The following KLHL1 variants were observed in gnomAD, a reference collection of about 807,000 sequenced individuals.
KLHL1 encodes kelch-like protein 1.
Under a neutral mutation model 77.7 loss-of-function variants are expected in KLHL1, and 47 were observed. That is an observed-to-expected ratio of 0.60 (90% CI 0.48 to 0.77). The LOEUF (loss-of-function observed/expected upper bound fraction) is 0.77. Ranked by LOEUF, KLHL1 falls within the 30% of genes least tolerant of loss-of-function variation. The probability of loss-of-function intolerance (pLI) is 0.00; values close to 1 mark genes in which losing one functional copy is unlikely to be tolerated. For missense variants in KLHL1, 925 were observed against 910.8 expected (o/e 1.02, Z -0.20); for synonymous variants, 360 against 325.2 (o/e 1.11, Z -1.15).
intron 1 of KLHL1, among the ~76,000 whole-genome samples, chr13:70,078,802 A>G (rs1442859697): frequency 1.3e-5 from 2 of 152,238 alleles, no homozygotes; most frequent in Non-Finnish European, 2.9e-5. Context: ...CACCAAAATG[A>G]AAATAAATGC....
At chr13:69,758,134 C>G (rs909061663) in intron 7 of KLHL1, among the ~76,000 whole-genome samples, 4 of 151,984 alleles carry the variant, frequency 2.6e-5, no homozygotes, top group Non-Finnish European at 5.9e-5. Context: ...AACAATCCAT[C>G]TCTTCTCTCT....
chr13:69,786,145 TA>T (rs1876531794), intron 7 of KLHL1, among the ~76,000 whole-genome samples: 1 of 152,194 alleles, frequency 6.6e-6, no homozygotes, highest in African/African-American at 2.4e-5. Flanking sequence ...GAATCCTCCC[TA>T]ACTCATTGTA....
chr13:69,764,929 C>CTTTT (rs71196263), intron 7 of KLHL1, among the ~76,000 whole-genome samples: 481 of 39,712 alleles, frequency 0.012, 193 homozygotes, highest in Middle Eastern at 0.042. Flanking sequence ...TATATCTTTG[C>CTTTT]TTTTTTTTTT....
intron 7 of KLHL1, among the ~76,000 whole-genome samples, chr13:69,767,921 T>A (rs1400892404): frequency 6.6e-6 from 1 of 152,346 alleles, no homozygotes; most frequent in South Asian, 2.1e-4. Flanking sequence ...TATGATGTAA[T>A]ATTTTAATCA....
At chr13:69,911,194 A>G (rs1249192111) in intron 4 of KLHL1, among the ~76,000 whole-genome samples, 2 of 152,108 alleles carry the variant, frequency 1.3e-5, no homozygotes, top group African/African-American at 4.8e-5. Flanking sequence ...CAATTTTTAT[A>G]ATAGCTAACA....
chr13:70,030,553 A>C (rs984287226), intron 1 of KLHL1, among the ~76,000 whole-genome samples: 1 of 152,232 alleles, frequency 6.6e-6, no homozygotes, highest in Non-Finnish European at 1.5e-5. Context: ...AATGAGAACA[A>C]AGACACAACA....
intron 7 of KLHL1, among the ~76,000 whole-genome samples, chr13:69,743,249 T>A (rs548910222): frequency 1.5e-5 from 2 of 130,164 alleles, no homozygotes; most frequent in African/African-American, 6.4e-5. Context: ...AATAGGTATG[T>A]GATTGCTATG....
At chr13:69,818,961 G>A (rs896140279) in intron 6 of KLHL1, among the ~76,000 whole-genome samples, 3 of 152,088 alleles carry the variant, frequency 2.0e-5, no homozygotes, top group Non-Finnish European at 2.9e-5. Context: ...CAACCTAATT[G>A]CAAACGGTCA....
chr13:69,721,940 G>T (rs1566181008), intron 8 of KLHL1, among the ~76,000 whole-genome samples: 1 of 151,992 alleles, frequency 6.6e-6, no homozygotes, highest in Non-Finnish European at 1.5e-5. Flanking sequence ...TCACTTACAA[G>T]TTTTTAATCA....
chr13:69,883,640 A>G (rs970986540), intron 4 of KLHL1, among the ~76,000 whole-genome samples: 2 of 152,226 alleles, frequency 1.3e-5, no homozygotes, highest in African/African-American at 4.8e-5. Context: ...AGATCCTGAC[A>G]CAAAGCCTGG....
chr13:69,818,361 C>G (rs977340786), intron 6 of KLHL1, among the ~76,000 whole-genome samples: 1 of 151,658 alleles, frequency 6.6e-6, no homozygotes, highest in Non-Finnish European at 1.5e-5. Flanking sequence ...GCTGGGATTA[C>G]AGGTGGGTGC....
At chr13:69,759,510 A>T (rs1414704163) in intron 7 of KLHL1, among the ~76,000 whole-genome samples, 1 of 152,202 alleles carries the variant, frequency 6.6e-6, no homozygotes, top group Non-Finnish European at 1.5e-5. Context: ...TTTACTAAAC[A>T]TTATCTTAGA....
At chr13:69,764,243 A>C (rs1040987277) in intron 7 of KLHL1, among the ~76,000 whole-genome samples, 1 of 152,224 alleles carries the variant, frequency 6.6e-6, no homozygotes, top group African/African-American at 2.4e-5. Flanking sequence ...ATGTTTAAAT[A>C]AGGCAAATGT....
intron 5 of KLHL1, among the ~76,000 whole-genome samples, chr13:69,877,522 C>A (rs1432952752): frequency 3.3e-5 from 5 of 151,310 alleles, no homozygotes; most frequent in Non-Finnish European, 5.9e-5. Flanking sequence ...TATATGTTTT[C>A]TAATACTGCT....
rs187049854 is a variant in KLHL1 at position 69,976,827 on chromosome 13, C to G, written c.498-1025G>C. On this transcript the variant is annotated intron_variant, in intron 1 of 10. Transcript: ENST00000377844. ...ATTCAATAGGCTCTACTGAGGCAATCAGGACTTAGAAAGCTAAGATCCTGA... is the reference window on the plus strand; with the variant it reads ...ATTCAATAGGCTCTACTGAGGCAATGAGGACTTAGAAAGCTAAGATCCTGA... Among the ~76,000 whole-genome samples, 208 of 152,216 alleles carry G rather than the reference C, an allele frequency of 1.4e-3. 2 individuals carry two copies. Among genetic ancestry groups the G allele is most frequent in the African/African-American group, 4.4e-3 (183 of 41,568 alleles).
chr13:69,869,861 T>C (rs1310346932), intron 5 of KLHL1, among the ~76,000 whole-genome samples: 1 of 152,198 alleles, frequency 6.6e-6, no homozygotes, highest in African/African-American at 2.4e-5. Context: ...TAGTTTTAAA[T>C]TGTAGCATTT....
intron 1 of KLHL1, among the ~76,000 whole-genome samples, 175 bp from the exon 2 acceptor site, chr13:69,975,977 G>C (rs1178453132): frequency 1.3e-5 from 2 of 151,954 alleles, no homozygotes; most frequent in Admixed American, 1.3e-4. Context: ...AATCTATTGT[G>C]GGATAAGTGA....
chr13:69,882,637 G>A (rs529340587), intron 4 of KLHL1, 142 bp from the exon 5 acceptor site: 308 of 624,692 alleles, frequency 4.9e-4, no homozygotes, highest in Non-Finnish European at 7.6e-4. Context: ...AGAAACTAGA[G>A]GCTGTTAAGA....
chr13:70,080,990 T>C (rs1217786873), intron 1 of KLHL1, among the ~76,000 whole-genome samples: 1 of 152,232 alleles, frequency 6.6e-6, no homozygotes, highest in African/African-American at 2.4e-5. Context: ...GAGACTTCTC[T>C]TCCCAAAAAA....
Sources: allele counts gnomAD v4.1 joint callset (sites outside exome capture counted in the v4.1 genomes callset), GRCh38; gene constraint gnomAD v4.1.1; transcripts MANE v1.5; gene names NCBI Gene and HGNC (gene_info 2026-07-23, HGNC 2026-07-21).